Variants in PCDH15 observed in about 807,000 individuals in gnomAD.
The protein encoded by PCDH15 is protocadherin related 15, also known as protocadherin-15.
A neutral mutation model predicts 178.5 loss-of-function variants in PCDH15; 129 were observed. That is an observed-to-expected ratio of 0.72 (90% CI 0.63 to 0.84). The LOEUF is 0.84. Among genes scored for constraint, PCDH15 ranks in the 40% least tolerant of loss-of-function variants. PCDH15 has a pLI of 0.00. For synonymous variants in PCDH15, 800 were observed against 732.0 expected (o/e 1.09, Z -1.50); for missense variants, 2,230 against 2,099.9 (o/e 1.06, Z -1.21).
chr10:54,552,990 A>T (rs1259192205), intron 2 of PCDH15, among the ~76,000 whole-genome samples: 1 of 152,144 alleles, frequency 6.6e-6, no homozygotes. Flanking sequence ...ACCAATTCTA[A>T]ATTATTATGT....
chr10:54,751,851 TA>T (rs1356951515), intron 1 of PCDH15, among the ~76,000 whole-genome samples: 2 of 152,188 alleles, frequency 1.3e-5, no homozygotes, highest in East Asian at 3.8e-4. Context: ...AGTGATGTTA[TA>T]AAACTTTTTG....
At chr10:54,159,558 G>A (rs4601672) in intron 13 of PCDH15, among the ~76,000 whole-genome samples, 24 of 151,856 alleles carry the variant, frequency 1.6e-4, no homozygotes, top group South Asian at 2.1e-4. Flanking sequence ...TCTTTCAACC[G>A]TAAGAACCCT....
At chr10:54,163,205 T>C (rs995785542) in intron 13 of PCDH15, among the ~76,000 whole-genome samples, 2 of 152,230 alleles carry the variant, frequency 1.3e-5, no homozygotes, top group East Asian at 3.9e-4. Context: ...ATTCATATCA[T>C]ATATACTTAG....
intron 2 of PCDH15, among the ~76,000 whole-genome samples, chr10:55,160,781 C>T (rs775403865): frequency 1.2e-4 from 19 of 152,040 alleles, no homozygotes; most frequent in Non-Finnish European, 2.1e-4. Context: ...CATCTAGCAG[C>T]AATACTTTCT....
intron 2 of PCDH15, chr10:54,619,273 T>C (rs898647650): frequency 3.3e-5 from 5 of 151,990 alleles, no homozygotes; most frequent in African/African-American, 1.2e-4. Context: ...AAGTCATCAA[T>C]TCTCTCACAT....
intron 3 of PCDH15, among the ~76,000 whole-genome samples, chr10:54,896,974 A>C (rs761710047): frequency 1.6e-4 from 25 of 152,206 alleles, no homozygotes; most frequent in Non-Finnish European, 3.5e-4. Flanking sequence ...GAACTCTTTC[A>C]GGGTCTTACT....
At chr10:55,452,657 T>A (rs1839462306) in intron 2 of PCDH15, among the ~76,000 whole-genome samples, 1 of 152,244 alleles carries the variant, frequency 6.6e-6, no homozygotes, top group Admixed American at 6.5e-5. Context: ...TAAACCTCTT[T>A]GATTTTGAGA....
intron 2 of PCDH15, among the ~76,000 whole-genome samples, chr10:55,034,048 T>C (rs1441057812): frequency 6.6e-6 from 1 of 151,040 alleles, no homozygotes; most frequent in Admixed American, 6.6e-5. Context: ...TTCCTTGATC[T>C]TGGACTTCCC....
At chr10:54,147,991 C>T (rs971632991) in intron 14 of PCDH15, among the ~76,000 whole-genome samples, 49 of 151,988 alleles carry the variant, frequency 3.2e-4, no homozygotes, top group African/African-American at 9.2e-4. Context: ...GTGTGCAAAA[C>T]TAAATTATGC....
intron 2 of PCDH15, among the ~76,000 whole-genome samples, chr10:54,972,207 C>T (rs781691971): frequency 9.9e-5 from 15 of 152,088 alleles, no homozygotes; most frequent in Admixed American, 4.6e-4. Flanking sequence ...ACAATAATGC[C>T]GCATATAAAG....
intron 2 of PCDH15, among the ~76,000 whole-genome samples, chr10:54,602,230 TTAAA>T (rs1336672461): frequency 3.9e-5 from 6 of 151,990 alleles, no homozygotes; most frequent in East Asian, 1.9e-4. Flanking sequence ...TCCTGTTTGA[TTAAA>T]TATATTTCAA....
chr10:55,571,162 C>G lies in PCDH15; in HGVS notation c.-156+56463G>C, dbSNP rs1035633244. Among the ~76,000 whole-genome samples, 4 of 152,010 alleles carry G rather than the reference C, an allele frequency of 2.6e-5. No homozygotes were observed. The South Asian group carries it at 8.3e-4, about 32-fold the overall frequency. On this transcript the variant is annotated intron_variant, in intron 2 of 5. Coordinates refer to the PCDH15 transcript ENST00000613346. ...CATGTGAGAGTTGGTTTTTAAAGGG[C>G]CTGACACTTCACCACTCACTCTCTT...
rs1162222346 is a variant in PCDH15 at position 53,806,583 on chromosome 10, A to G, written c.5219T>C (p.Leu1740Pro). 2 of 1,589,102 alleles carry G rather than the reference A, an allele frequency of 1.3e-6. No homozygotes were observed. The highest frequency in any genetic ancestry group is 2.2e-5 in the East Asian group (1 of 44,552). Residue 1740 changes from leucine (L) to proline (P), a missense_variant, in exon 38 of 38, where the codon CTG (leucine) becomes CCG (proline). By Grantham distance (98) the Leu-to-Pro change is moderately conservative. Transcript: ENST00000644397. The part of the protein sequence containing the change: ...WNNLHIPMTK[L>P] ...AAATATCTTTTAAAAAATTGGTCAC[A>G]GTTTTGTCATTGGTATATGGAGGTT... is the stretch of plus-strand genomic sequence containing the variant.
chr10:54,158,559 C>T (rs2045389411), intron 13 of PCDH15, among the ~76,000 whole-genome samples: 1 of 152,134 alleles, frequency 6.6e-6, no homozygotes. Context: ...CTAATGTTTC[C>T]TTTTAAATTT....
intron 3 of PCDH15, among the ~76,000 whole-genome samples, chr10:54,853,655 C>T (rs1041124126): frequency 5.3e-5 from 8 of 150,534 alleles, no homozygotes; most frequent in Admixed American, 5.3e-4. Context: ...TTTTTTTTCA[C>T]TAAAATTGTT....
chr10:55,456,583 G>C (rs1839559422), intron 2 of PCDH15, among the ~76,000 whole-genome samples: 1 of 151,932 alleles, frequency 6.6e-6, no homozygotes, highest in Admixed American at 6.6e-5. Context: ...AAATAGGTGG[G>C]AAGAAAACCT....
chr10:55,511,051 GT>G lies in PCDH15; in HGVS notation c.-156+116573del, dbSNP rs543684590. Among the ~76,000 whole-genome samples the G allele has an allele frequency of 5.0e-3, 722 of 145,284 alleles. 6 individuals are homozygous for G. The highest frequency in any genetic ancestry group is 0.017 in the African/African-American group (668 of 40,250). ...ATTTGTTTTTTTTGTTTGTTTGTTTGTTTTTTTTTTTAGAGATACAGGTCTT... is the reference window on the plus strand; with the variant it reads ...ATTTGTTTTTTTTGTTTGTTTGTTTGTTTTTTTTTTAGAGATACAGGTCTT... On this transcript the variant is annotated intron_variant, in intron 2 of 5. Transcript: ENST00000613346.
At chr10:55,089,655 A>C (rs1280473856) in intron 2 of PCDH15, among the ~76,000 whole-genome samples, 1 of 152,142 alleles carries the variant, frequency 6.6e-6, no homozygotes, top group Non-Finnish European at 1.5e-5. Flanking sequence ...TGTTTTCCAC[A>C]TTGAGTCTCT....
At chr10:54,482,845 A>G (rs1444090152) in intron 3 of PCDH15, among the ~76,000 whole-genome samples, 1 of 151,790 alleles carries the variant, frequency 6.6e-6, no homozygotes, top group East Asian at 1.9e-4. Flanking sequence ...TGTAGCCCAG[A>G]ATCAGAAATG....
Sources: gnomAD v4.1 joint callset for allele counts (sites outside exome capture counted in the v4.1 genomes callset) on GRCh38, gnomAD v4.1.1 for gene constraint, MANE v1.5 for transcripts, NCBI Gene and HGNC (gene_info 2026-07-23, HGNC 2026-07-21) for gene names.